Variants in FAM120C observed in about 807,000 individuals in gnomAD.
FAM120C encodes the protein constitutive coactivator of PPAR-gamma-like protein 2.
Under a neutral mutation model 71.2 loss-of-function variants are expected in FAM120C, and 14 were observed. The observed-to-expected ratio is 0.20, with a 90% CI of 0.13 to 0.31. The LOEUF is 0.31. FAM120C is among the 10% of genes least tolerant of loss of function. The probability of loss-of-function intolerance (pLI) is 1.00; values close to 1 mark genes in which losing one functional copy is unlikely to be tolerated. For missense variants in FAM120C, 500 were observed against 879.0 expected, an observed-to-expected ratio of 0.57 and a Z score of 5.45; for synonymous variants, 354 against 353.2, an observed-to-expected ratio of 1.00 and a Z score of -0.03.
intron 9 of FAM120C, among the ~76,000 whole-genome samples, chrX:54,118,222 TA>T (rs781998925): frequency 3.7e-3 from 337 of 90,367 alleles, no homozygotes; most frequent in Middle Eastern, 5.4e-3. Context: ...AAACTCCATC[TA>T]AAAAAAAAAA....
intron 10 of FAM120C, among the ~76,000 whole-genome samples, chrX:54,113,316 C>T (rs782452131): frequency 1.9e-4 from 21 of 108,217 alleles, no homozygotes; most frequent in African/African-American, 3.0e-4. Context: ...AAAAATTAGC[C>T]GGGCGTGGTG....
chrX:54,093,025 T>C (rs1216072135), intron 10 of FAM120C, among the ~76,000 whole-genome samples: 1 of 112,201 alleles, frequency 8.9e-6, no homozygotes, highest in Non-Finnish European at 1.9e-5. Context: ...CAAGTGCCCA[T>C]GTCAGTTCCC....
At chrX:54,076,784 G>GT (rs1184545695) in intron 15 of FAM120C, among the ~76,000 whole-genome samples, 1 of 112,062 alleles carries the variant, frequency 8.9e-6, no homozygotes, top group Non-Finnish European at 1.9e-5. Flanking sequence ...TTGGCACAGT[G>GT]TAAGAACTCA....
chrX:54,158,770 A>C lies in FAM120C; in HGVS notation c.946+600T>G, dbSNP rs377336563. On this transcript the variant is annotated intron_variant, in intron 2 of 15. Coordinates refer to ENST00000375180, the MANE Select transcript of FAM120C (RefSeq NM_017848.6). ...GGCGACACAGCGAGACTCTGTCTCA[A>C]AAATAAATAAAATAAAATAAGAGAC... 2.3e-4 allele frequency among the ~76,000 whole-genome samples: 26 copies of C among 111,687 alleles called. No individual in the cohort carries two copies. In the East Asian group the frequency reaches 6.7e-3, roughly 29 times the overall value.
At chrX:54,173,118 G>GT (rs1175444394) in intron 1 of FAM120C, among the ~76,000 whole-genome samples, 2 of 112,384 alleles carry the variant, frequency 1.8e-5, no homozygotes, top group Non-Finnish European at 3.8e-5. Context: ...ACCCCTGGCA[G>GT]TTTTTTCATT....
At chrX:54,136,150 C>G (rs1401035752) in intron 5 of FAM120C, among the ~76,000 whole-genome samples, 4 of 111,281 alleles carry the variant, frequency 3.6e-5, no homozygotes, top group Non-Finnish European at 7.5e-5. Flanking sequence ...AGGCGCCTGC[C>G]ACCACGCCCA....
chrX:54,079,556 G>A (rs1203457205), intron 15 of FAM120C, among the ~76,000 whole-genome samples: 2 of 112,398 alleles, frequency 1.8e-5, no homozygotes, highest in East Asian at 2.8e-4. Context: ...CCAGCACTTC[G>A]GGAGGCCGAG....
chrX:54,130,963 T>C (rs1326012975), intron 9 of FAM120C, among the ~76,000 whole-genome samples: 4 of 111,288 alleles, frequency 3.6e-5, no homozygotes, highest in African/African-American at 1.3e-4. Flanking sequence ...AACTCACCAC[T>C]GCACCACTGC....
intron 15 of FAM120C, among the ~76,000 whole-genome samples, chrX:54,077,824 C>T (rs1438468785): frequency 1.8e-5 from 2 of 110,070 alleles, no homozygotes; most frequent in Non-Finnish European, 3.8e-5. Context: ...CTTTATCTCT[C>T]ACCCCCTTCT....
intron 4 of FAM120C, among the ~76,000 whole-genome samples, chrX:54,141,874 A>G (rs2067127365): frequency 8.9e-6 from 1 of 111,786 alleles, no homozygotes; most frequent in Non-Finnish European, 1.9e-5. Flanking sequence ...TGTCTCAAAT[A>G]TGAAATACTT....
At chrX:54,154,037 G>GT (rs782749860) in intron 3 of FAM120C, among the ~76,000 whole-genome samples, 1,975 of 98,861 alleles carry the variant, frequency 0.02, 17 homozygotes, top group Middle Eastern at 0.041. Flanking sequence ...GATCTCAGTG[G>GT]TTTTTTTTTT....
intron 4 of FAM120C, among the ~76,000 whole-genome samples, chrX:54,137,495 T>G (rs1324165699): frequency 2.7e-5 from 3 of 112,210 alleles, no homozygotes; most frequent in Non-Finnish European, 5.6e-5. Context: ...CTAAGTAATT[T>G]TGAATGGCTG....
At chrX:54,099,683 T>C (rs2066872672) in intron 10 of FAM120C, among the ~76,000 whole-genome samples, 1 of 112,311 alleles carries the variant, frequency 8.9e-6, no homozygotes, top group Admixed American at 9.5e-5. Flanking sequence ...GGTCTAACTA[T>C]TCTTTTGCAT....
chrX:54,129,105 C>A (rs1257276921), intron 9 of FAM120C, among the ~76,000 whole-genome samples: 2 of 104,495 alleles, frequency 1.9e-5, no homozygotes, highest in Non-Finnish European at 4.0e-5. Flanking sequence ...AGGGGGCTGA[C>A]CCCCCACCTC....
At chrX:54,108,576 G>A (rs898837670) in intron 10 of FAM120C, among the ~76,000 whole-genome samples, 4 of 111,379 alleles carry the variant, frequency 3.6e-5, no homozygotes, top group Non-Finnish European at 7.5e-5. Flanking sequence ...TATTGATGAG[G>A]ACCCTAATGG....
chrX:54,073,540 C>T (rs2066721105), intron 15 of FAM120C, among the ~76,000 whole-genome samples: 2 of 110,208 alleles, frequency 1.8e-5, no homozygotes, highest in South Asian at 7.8e-4. Context: ...AGCAATCCTC[C>T]CACCTCAGCC....
intron 10 of FAM120C, among the ~76,000 whole-genome samples, chrX:54,102,268 C>A (rs1408080865): frequency 3.9e-5 from 4 of 101,547 alleles, no homozygotes; most frequent in Non-Finnish European, 6.1e-5. Context: ...CTCAAGTGAT[C>A]CTCCCACACC....
chrX:54,129,443 C>G (rs1251692261), intron 9 of FAM120C, among the ~76,000 whole-genome samples: 3 of 108,713 alleles, frequency 2.8e-5, no homozygotes, highest in Non-Finnish European at 5.8e-5. Context: ...AGAGAAGCTC[C>G]TCACTTCCTA....
In FAM120C at chrX:54,072,386, T is replaced by A. The variant is rs1408163871; in HGVS notation, c.*647A>T. 1 of 110,313 alleles carries A rather than the reference T, an allele frequency of 9.1e-6. No individual in the cohort carries two copies. The highest frequency in any genetic ancestry group is 1.9e-5 in the Non-Finnish European group (1 of 52,812). 9.1% of individuals were successfully genotyped at this position (110,313 alleles called of 1,213,427 possible). ...CTTGAATCCCCCAGTACAAAGGCCATTGATAGTTTTTTTGAAGTGTATAAA... is the reference window on the plus strand; with the variant it reads ...CTTGAATCCCCCAGTACAAAGGCCAATGATAGTTTTTTTGAAGTGTATAAA... On this transcript the variant is annotated 3_prime_UTR_variant, in exon 16 of 16. Coordinates refer to ENST00000375180, the MANE Select transcript of FAM120C (RefSeq NM_017848.6).
Sources: gnomAD v4.1 joint callset for allele counts (sites outside exome capture counted in the v4.1 genomes callset) on GRCh38, gnomAD v4.1.1 for gene constraint, MANE v1.5 for transcripts, NCBI Gene and HGNC (gene_info 2026-07-23, HGNC 2026-07-21) for gene names.